ST7: variants seen among roughly 807,000 people sequenced by gnomAD.
ST7 encodes the protein suppression of tumorigenicity 7.
Under a neutral mutation model 78.7 loss-of-function variants are expected in ST7, and 28 were observed. The ratio of observed to expected loss-of-function variants is 0.36; its 90% confidence interval spans 0.26 to 0.49. ST7 has a LOEUF of 0.49. Among genes scored for constraint, ST7 ranks in the 20% least tolerant of loss-of-function variants. The pLI, the probability that ST7 is intolerant of heterozygous loss-of-function variation, is 0.99. For missense variants in ST7, 418 were observed against 696.0 expected (o/e 0.60, Z 4.49); for synonymous variants, 247 against 249.6 (o/e 0.99, Z 0.10).
intron 1 of ST7, among the ~76,000 whole-genome samples, chr7:116,997,636 C>T (rs1794727837): frequency 6.6e-6 from 1 of 152,006 alleles, no homozygotes; most frequent in Non-Finnish European, 1.5e-5. Flanking sequence ...ACTAGATTAG[C>T]TAGACACAGA....
At chr7:116,970,386 G>T (rs1793355828) in intron 1 of ST7, among the ~76,000 whole-genome samples, 1 of 152,200 alleles carries the variant, frequency 6.6e-6, no homozygotes, top group Non-Finnish European at 1.5e-5. Flanking sequence ...GGGCTCAGTG[G>T]CTTCAACAAC....
At chr7:117,042,145 A>G (rs1167869625) in intron 1 of ST7, among the ~76,000 whole-genome samples, 1 of 152,162 alleles carries the variant, frequency 6.6e-6, no homozygotes, top group Non-Finnish European at 1.5e-5. Flanking sequence ...ACACTTTTGT[A>G]TTATTTGAGT....
At chr7:116,958,051 G>A (rs924107757) in intron 1 of ST7, among the ~76,000 whole-genome samples, 9 of 152,042 alleles carry the variant, frequency 5.9e-5, no homozygotes, top group Non-Finnish European at 1.0e-4. Flanking sequence ...CAGTGGTGCA[G>A]TCACAGCTCA....
chr7:117,062,065 G>A (rs572126276), intron 1 of ST7, among the ~76,000 whole-genome samples: 6 of 152,280 alleles, frequency 3.9e-5, no homozygotes, highest in Non-Finnish European at 8.8e-5. Flanking sequence ...TTTCTTTCTG[G>A]CTTGCAGAAG....
In ST7 at chr7:116,953,578, A is replaced by G; in HGVS notation, c.38A>G (p.Lys13Arg). 1 of 1,468,632 alleles carries G rather than the reference A, an allele frequency of 6.8e-7. No individual in the cohort carries two copies. Among genetic ancestry groups the G allele is most frequent in the Non-Finnish European group, 9.2e-7 (1 of 1,092,878 alleles). 91.0% of individuals were successfully genotyped at this position (1,468,632 alleles called of 1,614,324 possible). A position where few individuals can be genotyped will look rare whatever the true frequency, so the allele number is the denominator to read the frequency against. The change falls in exon 1 of 16, where the codon AAG becomes AGG. Residue 13 changes from lysine (K) to arginine (R), a missense_variant. By Grantham distance (26) the Lys-to-Arg change is conservative. Transcript: ENST00000323984. The part of the protein sequence containing the change: ...EAATGFLEQL[K>R]SCIVWSWTYL... ...GCCACGGGCTTTCTGGAGCAGCTCA[A>G]GTCCTGCATAGTTTGGTCTTGGACG...
intron 1 of ST7, among the ~76,000 whole-genome samples, chr7:117,070,588 C>A (rs1487485687): frequency 6.6e-6 from 1 of 152,130 alleles, no homozygotes; most frequent in African/African-American, 2.4e-5. Flanking sequence ...ATCGCCCAGG[C>A]TGGATGCAGT....
rs574486175 is a variant in ST7 at position 117,000,303 on chromosome 7, A to T, written c.151+46612A>T. Among the ~76,000 whole-genome samples the T allele has an allele frequency of 2.6e-5, 4 of 152,334 alleles. 1 individual carries two copies. Among genetic ancestry groups the T allele is most frequent in the African/African-American group, 9.6e-5 (4 of 41,582 alleles). Reference sequence around the variant, plus strand: ...GCGTTGTCCAATAGAACTTTCTGCAATAATGGAAATGTCCTGTAATACAGT... The same window carrying T: ...GCGTTGTCCAATAGAACTTTCTGCATTAATGGAAATGTCCTGTAATACAGT... On this transcript the variant is annotated intron_variant, in intron 1 of 15. Coordinates refer to ENST00000323984, the MANE Select transcript of ST7 (RefSeq NM_001369598.1).
rs1563092288 is a variant in ST7 at position 117,114,559 on chromosome 7, T to C, written c.235-5002T>C. Among the ~76,000 whole-genome samples, 8 of 152,350 alleles carry C rather than the reference T, an allele frequency of 5.3e-5. No individual in the cohort carries two copies. In the South Asian group the frequency reaches 1.2e-3, roughly 24 times the overall value. On this transcript the variant is annotated intron_variant, in intron 2 of 15. Transcript: ENST00000323984. ...CTGTATCTATCCTCCTGTGACATCA[T>C]TGTCTACTTTAATTCTTAAGAAGCA...
At chr7:117,193,290 C>A (rs1809974372) in intron 12 of ST7, among the ~76,000 whole-genome samples, 1 of 152,122 alleles carries the variant, frequency 6.6e-6, no homozygotes. Flanking sequence ...TCATCTAGGT[C>A]ACCTTCCCAT....
chr7:117,037,718 A>G (rs1796968121), intron 1 of ST7, among the ~76,000 whole-genome samples: 1 of 152,182 alleles, frequency 6.6e-6, no homozygotes, highest in Non-Finnish European at 1.5e-5. Context: ...TATATGGCAA[A>G]TAGCATCATC....
At chr7:116,979,549 A>G (rs61496700) in intron 1 of ST7, among the ~76,000 whole-genome samples, 4,414 of 152,232 alleles carry the variant, frequency 0.029, 201 homozygotes, top group African/African-American at 0.1. Context: ...AAGGCTCTTA[A>G]TAGTCTTCAT....
At chr7:117,225,058 T>G (rs756757439) in intron 15 of ST7, among the ~76,000 whole-genome samples, 10 of 152,130 alleles carry the variant, frequency 6.6e-5, no homozygotes, top group Non-Finnish European at 1.2e-4. Flanking sequence ...GTGTATTGAA[T>G]AGAATGAATA....
chr7:117,216,550 C>T (rs1246005083), intron 13 of ST7, among the ~76,000 whole-genome samples: 1 of 152,058 alleles, frequency 6.6e-6, no homozygotes, highest in Non-Finnish European at 1.5e-5. Flanking sequence ...GCAAAAGGCA[C>T]AAGGCTGTCA....
chr7:117,070,343 A>C (rs1311078617), intron 1 of ST7, among the ~76,000 whole-genome samples: 1 of 152,232 alleles, frequency 6.6e-6, no homozygotes, highest in African/African-American at 2.4e-5. Flanking sequence ...GATGAACCAT[A>C]AAATATAAAG....
chr7:117,109,380 A>G (rs1802238754), intron 2 of ST7, among the ~76,000 whole-genome samples: 1 of 152,212 alleles, frequency 6.6e-6, no homozygotes, highest in Non-Finnish European at 1.5e-5. Flanking sequence ...GAAATAGGAG[A>G]TATTACAACT....
chr7:117,063,887 T>C (rs1798489835), intron 1 of ST7, among the ~76,000 whole-genome samples: 1 of 152,202 alleles, frequency 6.6e-6, no homozygotes, highest in African/African-American at 2.4e-5. Flanking sequence ...GTATGTGCCA[T>C]TTATAGCAAT....
chr7:117,043,668 G>T (rs760582672), intron 1 of ST7, among the ~76,000 whole-genome samples: 14 of 152,142 alleles, frequency 9.2e-5, no homozygotes, highest in Non-Finnish European at 1.6e-4. Context: ...AGAAGTGATT[G>T]TCTACACCAT....
intron 3 of ST7, among the ~76,000 whole-genome samples, chr7:117,128,974 A>T (rs1358638236): frequency 1.3e-5 from 2 of 151,890 alleles, no homozygotes; most frequent in African/African-American, 4.8e-5. Flanking sequence ...AGTATTCTGA[A>T]TCAGTAGAAA....
chr7:116,990,965 C>T (rs1459189664), intron 1 of ST7, among the ~76,000 whole-genome samples: 2 of 152,102 alleles, frequency 1.3e-5, no homozygotes, highest in Non-Finnish European at 2.9e-5. Context: ...TTACCGTGTC[C>T]CAGATCAAGA....
Sources: allele counts gnomAD v4.1 joint callset (sites outside exome capture counted in the v4.1 genomes callset), GRCh38; gene constraint gnomAD v4.1.1; transcripts MANE v1.5; gene names NCBI Gene and HGNC (gene_info 2026-07-23, HGNC 2026-07-21).